Variants in PRR7 observed in about 807,000 individuals in gnomAD.
PRR7 encodes proline rich 7, synaptic.
In PRR7, 8 loss-of-function variants were observed where a neutral mutation model predicts 18.5. The observed-to-expected ratio is 0.43, with a 90% CI of 0.25 to 0.78. The LOEUF is 0.78. Among genes scored for constraint, PRR7 ranks in the 30% least tolerant of loss-of-function variants. PRR7 has a pLI of 0.22. For missense variants in PRR7, 396 were observed against 403.1 expected (o/e 0.98, Z 0.15); for synonymous variants, 221 against 187.7 (o/e 1.18, Z -1.45).
intron 1 of PRR7, among the ~76,000 whole-genome samples, chr5:177,451,364 A>G (rs1392554782): frequency 6.7e-6 from 1 of 148,904 alleles, no homozygotes; most frequent in African/African-American, 2.5e-5. Context: ...GGCAGGGAGC[A>G]CCCTGTAGCC....
In PRR7 at chr5:177,455,019, G is replaced by A. The variant is rs1361809372; in HGVS notation, c.-49G>A. On this transcript the variant is annotated 5_prime_UTR_variant, in exon 3 of 4. Coordinates refer to ENST00000323249, the MANE Select transcript of PRR7 (RefSeq NM_030567.5). The surrounding 1 kb of genome is among the most constrained non-coding windows in gnomAD (Gnocchi z 6.9). Reference sequence around the variant, plus strand: ...CGCGGGCCCGGGGCCACGCAGCGGAGCCCAGTGTCCAGTGAAGCGTCTGAG... The same window carrying A: ...CGCGGGCCCGGGGCCACGCAGCGGAACCCAGTGTCCAGTGAAGCGTCTGAG... 7.8e-6 allele frequency: 11 copies of A among 1,410,800 alleles called. No individual in the cohort carries two copies. The highest frequency in any genetic ancestry group is 1.9e-4 in the Middle Eastern group (1 of 5,142). The allele number at this position is 1,410,800 out of a possible 1,614,324, so 87.4% of individuals were successfully genotyped here.
rs1756383153 is a variant in PRR7, at chr5:177,455,586, G to A, written c.427+92G>A. The A allele has an allele frequency of 1.4e-6, 2 of 1,405,184 alleles. No individual in the cohort carries two copies. Among genetic ancestry groups the A allele is most frequent in the African/African-American group, 1.5e-5 (1 of 66,066 alleles). 87.0% of individuals were successfully genotyped at this position (1,405,184 alleles called of 1,614,324 possible). On this transcript the variant is annotated intron_variant, in intron 3 of 3. Coordinates refer to ENST00000323249, the MANE Select transcript of PRR7 (RefSeq NM_030567.5). This position sits in a 1 kb window ranked among gnomAD's most constrained non-coding sequence, Gnocchi z 6.9. ...CTGCTTACCCTCAGGGCTTCCATCC[G>A]CAGCCTCCGGGAGAACACGGGCGGC...
chr5:177,449,805 T>C lies in PRR7; in HGVS notation c.-325+2845T>C, dbSNP rs1211193215. ...GGCTTGGTGTCAGGGTTAGGTCATC[T>C]ACCTGCAAGCAAGGGTGCTTGCCAC... is the stretch of plus-strand genomic sequence containing the variant. On this transcript the variant is annotated intron_variant, in intron 1 of 3. Coordinates refer to ENST00000323249, the MANE Select transcript of PRR7 (RefSeq NM_030567.5). The surrounding 1 kb of genome is among the most constrained non-coding windows in gnomAD (Gnocchi z 4.2). 1.3e-5 allele frequency among the ~76,000 whole-genome samples: 2 copies of C among 152,082 alleles called. No individual in the cohort carries two copies. Among genetic ancestry groups the C allele is most frequent in the Non-Finnish European group, 2.9e-5 (2 of 68,006 alleles).
At chr5:177,447,987 G>A (rs1401120816) in intron 1 of PRR7, among the ~76,000 whole-genome samples, 1 of 152,212 alleles carries the variant, frequency 6.6e-6, no homozygotes, top group African/African-American at 2.4e-5. Flanking sequence ...TCCTCTGGGA[G>A]GAGAATGGCC....
Position 177,456,208 on chromosome 5 carries a change from G to A in PRR7, c.*87G>A. 6 of 600,136 alleles carry A rather than the reference G, an allele frequency of 1.0e-5. No individual in the cohort carries two copies. The highest frequency in any genetic ancestry group is 4.6e-5 in the South Asian group (2 of 43,156). The allele number at this position is 600,136 out of a possible 1,614,324, so 37.2% of individuals were successfully genotyped here. On this transcript the variant is annotated 3_prime_UTR_variant, in exon 4 of 4. Transcript: ENST00000323249. The stretch of plus-strand genomic sequence containing the variant: ...AATGCTTCCCTGGACTGCGGGGAGG[G>A]GCGGGGGGAGGGAGGGATTTCTTAT...
chr5:177,450,061 C>T lies in PRR7; in HGVS notation c.-325+3101C>T, dbSNP rs1486465288. 6.6e-6 allele frequency among the ~76,000 whole-genome samples: 1 copy of T among 152,172 alleles called. No homozygotes were observed. The highest frequency in any genetic ancestry group is 1.5e-5 in the Non-Finnish European group (1 of 68,032). ...TGGCTATGGAGACCTGAGCTGGACC[C>T]ACTCCTTGAGCCTACATCCTTGTCT... On this transcript the variant is annotated intron_variant, in intron 1 of 3. Transcript: ENST00000323249. The surrounding 1 kb of genome is among the most constrained non-coding windows in gnomAD (Gnocchi z 6.6).
At position 177,446,819 on chromosome 5, in the gene PRR7, A is replaced by G. The variant is rs1456810066; in HGVS notation, c.-466A>G. ...TGCGCGCGCCCCGCGCCTCCAGCCCAGCGCTCGGAGCCGCTTTCGCTGCCA... is the reference window on the plus strand; with the variant it reads ...TGCGCGCGCCCCGCGCCTCCAGCCCGGCGCTCGGAGCCGCTTTCGCTGCCA... On this transcript the variant is annotated 5_prime_UTR_variant, in exon 1 of 4. Coordinates refer to ENST00000323249, the MANE Select transcript of PRR7 (RefSeq NM_030567.5). The surrounding 1 kb of genome is among the most constrained non-coding windows in gnomAD (Gnocchi z 5.3). The G allele has an allele frequency of 6.6e-6, 1 of 151,340 alleles. No homozygotes were observed. The highest frequency in any genetic ancestry group is 6.6e-5 in the Admixed American group (1 of 15,194). 9.4% of individuals were successfully genotyped at this position (151,340 alleles called of 1,614,324 possible).
At chr5:177,452,202 C>T (rs1756194931) in intron 1 of PRR7, among the ~76,000 whole-genome samples, 1 of 152,222 alleles carries the variant, frequency 6.6e-6, no homozygotes, top group Non-Finnish European at 1.5e-5. Context: ...GGTCCATCTG[C>T]AGGGCATCGC....
intron 1 of PRR7, among the ~76,000 whole-genome samples, chr5:177,453,622 C>A (rs563962243): frequency 4.6e-5 from 7 of 152,200 alleles, no homozygotes; most frequent in African/African-American, 1.4e-4. Flanking sequence ...TGTGTGTGTG[C>A]CTCGGGCACG....
At chr5:177,448,550 G>C (rs1756023235) in intron 1 of PRR7, 1 of 152,236 alleles carries the variant, frequency 6.6e-6, no homozygotes, top group South Asian at 2.1e-4. Flanking sequence ...GCTCCTCTCT[G>C]CCTGCTAGCT....
rs1403797121 is a variant in PRR7 at position 177,454,782 on chromosome 5, T to C, written c.-239-47T>C. On this transcript the variant is annotated intron_variant, in intron 2 of 3. Transcript: ENST00000323249. The surrounding 1 kb of genome is among the most constrained non-coding windows in gnomAD (Gnocchi z 4.7). ...GGCGCGGGCGGGGGCCGGGAAGTCGTTGGGGGCCGCGGCGCGCCTTCACTG... is the reference window on the plus strand; with the variant it reads ...GGCGCGGGCGGGGGCCGGGAAGTCGCTGGGGGCCGCGGCGCGCCTTCACTG... The C allele has an allele frequency of 4.8e-5, 9 of 188,652 alleles. No homozygotes were observed. The Admixed American group carries it at 5.6e-4, about 12-fold the overall frequency. 11.7% of individuals were successfully genotyped at this position (188,652 alleles called of 1,614,324 possible).
Position 177,454,687 on chromosome 5 carries a change from C to T in PRR7, c.-239-142C>T, listed in dbSNP as rs1756314454. On this transcript the variant is annotated intron_variant, in intron 2 of 3. Transcript: ENST00000323249. The surrounding 1 kb of genome is among the most constrained non-coding windows in gnomAD (Gnocchi z 4.7). Reference sequence around the variant, plus strand: ...AACCTCGAGGCGTGACGTCACCCTCCTCGGTGACGTCACCGGGCCCCCGGG... The same window carrying T: ...AACCTCGAGGCGTGACGTCACCCTCTTCGGTGACGTCACCGGGCCCCCGGG... 6.5e-6 allele frequency: 1 copy of T among 153,134 alleles called. No homozygotes were observed. The highest frequency in any genetic ancestry group is 2.1e-4 in the South Asian group (1 of 4,840). The allele number at this position is 153,134 out of a possible 1,614,324, so 9.5% of individuals were successfully genotyped here. A position where few individuals can be genotyped will look rare whatever the true frequency, so the allele number is the denominator to read the frequency against.
chr5:177,451,069 G>A (rs1229889072), intron 1 of PRR7, among the ~76,000 whole-genome samples: 1 of 152,228 alleles, frequency 6.6e-6, no homozygotes, highest in Non-Finnish European at 1.5e-5. Context: ...AGTGGCAGGA[G>A]GACCAAAGGA....
At chr5:177,447,948 C>T (rs1299700230) in intron 1 of PRR7, among the ~76,000 whole-genome samples, 1 of 152,216 alleles carries the variant, frequency 6.6e-6, no homozygotes, top group Non-Finnish European at 1.5e-5. Flanking sequence ...GCACGCGCCA[C>T]ATGGAGGTGC....
At chr5:177,452,573 C>T (rs1483337716) in intron 1 of PRR7, among the ~76,000 whole-genome samples, 1 of 152,170 alleles carries the variant, frequency 6.6e-6, no homozygotes, top group Non-Finnish European at 1.5e-5. Context: ...GTGGCACTGC[C>T]GAGAAGACAG....
In PRR7 at chr5:177,455,521, G is replaced by T; in HGVS notation, c.427+27G>T. 1.4e-6 allele frequency: 2 copies of T among 1,452,426 alleles called. No homozygotes were observed. Among genetic ancestry groups the T allele is most frequent in the Non-Finnish European group, 1.8e-6 (2 of 1,113,418 alleles). 90.0% of individuals were successfully genotyped at this position (1,452,426 alleles called of 1,614,324 possible). On this transcript the variant is annotated intron_variant, in intron 3 of 3. Coordinates refer to ENST00000323249, the MANE Select transcript of PRR7 (RefSeq NM_030567.5). This position sits in a 1 kb window ranked among gnomAD's most constrained non-coding sequence, Gnocchi z 6.9. ...TGAGTACCGACCTCCGCCAGGGGGC[G>T]ATCCGGGCCGCCGGAAGTGGGCGGG...
At chr5:177,447,789 AG>A (rs1180363231) in intron 1 of PRR7, 1 of 152,340 alleles carries the variant, frequency 6.6e-6, no homozygotes, top group East Asian at 1.9e-4. Context: ...GGGCAGGAGC[AG>A]AGGAAAGGAT....
Position 177,455,953 on chromosome 5 carries a change from C to T in PRR7, c.657C>T (p.Ala219=), listed in dbSNP as rs1756415204. The change falls in exon 4 of 4, where the codon GCC becomes GCT. Residue 219 remains alanine (A), a synonymous_variant. Transcript: ENST00000323249. This position sits in a 1 kb window ranked among gnomAD's most constrained non-coding sequence, Gnocchi z 6.9. ...CCTCGGCGCTGCACCTGCCCAGCGC[C>T]CCTCGGCCCGCGCCGCCCTGCCCAG... ...GYTSALHLPS[A]PRPAPPCPAL... is the part of the protein sequence containing the mutation. The T allele has an allele frequency of 2.5e-6, 4 of 1,596,070 alleles. No homozygotes were observed. Among genetic ancestry groups the T allele is most frequent in the Non-Finnish European group, 3.4e-6 (4 of 1,174,768 alleles).
In PRR7 at chr5:177,455,552, G is replaced by A; in HGVS notation, c.427+58G>A. On this transcript the variant is annotated intron_variant, in intron 3 of 3. Coordinates refer to ENST00000323249, the MANE Select transcript of PRR7 (RefSeq NM_030567.5). The surrounding 1 kb of genome is among the most constrained non-coding windows in gnomAD (Gnocchi z 6.9). ...GGCCGCCGGAAGTGGGCGGGCGTTG[G>A]AGGGCTCGCTGCTTACCCTCAGGGC... 7.0e-7 allele frequency: 1 copy of A among 1,433,980 alleles called. No homozygotes were observed. Among genetic ancestry groups the A allele is most frequent in the Non-Finnish European group, 9.1e-7 (1 of 1,104,482 alleles). 88.8% of individuals were successfully genotyped at this position (1,433,980 alleles called of 1,614,324 possible).
Sources: allele counts gnomAD v4.1 joint callset (sites outside exome capture counted in the v4.1 genomes callset), GRCh38; gene constraint gnomAD v4.1.1; non-coding constraint Gnocchi (gnomAD v3.1); transcripts MANE v1.5; gene names NCBI Gene and HGNC (gene_info 2026-07-23, HGNC 2026-07-21).